CSF1R: variants seen among roughly 807,000 people sequenced by gnomAD.
The protein encoded by CSF1R is macrophage colony-stimulating factor 1 receptor.
In CSF1R, 40 loss-of-function variants were observed where a neutral mutation model predicts 110.0. That is an observed-to-expected ratio of 0.36 (90% CI 0.28 to 0.47). The LOEUF (loss-of-function observed/expected upper bound fraction) is 0.47, where lower values mean the gene tolerates loss of function less well. Among genes scored for constraint, CSF1R ranks in the 20% least tolerant of loss-of-function variants. CSF1R has a pLI of 0.99. For synonymous variants in CSF1R, 523 were observed against 503.4 expected (o/e 1.04, Z -0.52); for missense variants, 1,052 against 1,253.0 (o/e 0.84, Z 2.42).
intron 9 of CSF1R, among the ~76,000 whole-genome samples, chr5:150,069,269 T>G (rs1301981634): frequency 1.3e-5 from 2 of 152,200 alleles, no homozygotes; most frequent in Non-Finnish European, 2.9e-5. Context: ...CTGAGGATGC[T>G]GTGGGCCTCT....
At position 150,054,691 on chromosome 5, in the gene CSF1R, A is replaced by G. The variant is rs191383145; in HGVS notation, c.2655-261T>C. On this transcript the variant is annotated intron_variant, in intron 19 of 20. Transcript: ENST00000675795. ...AGGGTAACTGTAATAACGATCTCTT[A>G]AAAGTCTGTTTAGGGACAGGTGCAG... The G allele has an allele frequency of 7.7e-5, 34 of 438,778 alleles. No individual in the cohort carries two copies. The Admixed American group carries it at 1.0e-3, about 13-fold the overall frequency. 27.2% of individuals were successfully genotyped at this position (438,778 alleles called of 1,614,324 possible).
intron 1 of CSF1R, among the ~76,000 whole-genome samples, chr5:150,100,326 C>G (rs1487825084): frequency 9.9e-6 from 1 of 100,546 alleles, no homozygotes; most frequent in Non-Finnish European, 1.8e-5. Flanking sequence ...GAGACGGAGT[C>G]TTGCTCTGTC....
At chr5:150,092,681 T>C (rs1202282252) in intron 1 of CSF1R, among the ~76,000 whole-genome samples, 1 of 152,170 alleles carries the variant, frequency 6.6e-6, no homozygotes, top group Non-Finnish European at 1.5e-5. Flanking sequence ...ACTTAATCAC[T>C]ACCACGAGAA....
chr5:150,070,146 G>A, intron 8 of CSF1R, 36 bp downstream of exon 8: 4 of 1,610,456 alleles, frequency 2.5e-6, no homozygotes, highest in African/African-American at 1.3e-5. Flanking sequence ...CCCAGCCCCT[G>A]AGCCCAGGTG....
intron 14 of CSF1R, chr5:150,058,224 G>A (rs994477377): frequency 5.3e-5 from 24 of 456,136 alleles, no homozygotes; most frequent in Non-Finnish European, 9.3e-5. Context: ...AGCAGGCCTG[G>A]GTGGATGGGC....
intron 1 of CSF1R, among the ~76,000 whole-genome samples, chr5:150,109,174 C>A (rs77084274): frequency 5.9e-5 from 9 of 151,924 alleles, no homozygotes; most frequent in African/African-American, 1.9e-4. Flanking sequence ...ACCTAGACAC[C>A]CCCGGGGAAG....
chr5:150,105,365 T>A (rs1241333230), intron 1 of CSF1R, among the ~76,000 whole-genome samples: 2,311 of 85,704 alleles, frequency 0.027, 38 homozygotes, highest in African/African-American at 0.089. Flanking sequence ...AAAAAAAAAA[T>A]ATATATATAT....
chr5:150,075,632 A>G lies in CSF1R; in HGVS notation c.889+1644T>C. Among the ~76,000 whole-genome samples, 2 of 152,096 alleles carry G rather than the reference A, an allele frequency of 1.3e-5. 1 individual carries two copies. The highest frequency in any genetic ancestry group is 1.3e-4 in the Admixed American group (2 of 15,264). ...GTTTTTTTAATAATTTACTTGGCTC[A>G]TTGCTTGCCCACTCCCAGCTAGAGC... On this transcript the variant is annotated intron_variant, in intron 5 of 20. Transcript: ENST00000675795.
At chr5:150,059,103 G>A (rs1400516815) in intron 14 of CSF1R, among the ~76,000 whole-genome samples, 1 of 152,142 alleles carries the variant, frequency 6.6e-6, no homozygotes, top group Non-Finnish European at 1.5e-5. Context: ...GGAGTGCAAT[G>A]GTGTGATCTC....
rs188215286 is a variant in CSF1R, at chr5:150,092,354, C to A, written c.-180-5747G>T. On this transcript the variant is annotated intron_variant, in intron 1 of 21. Coordinates refer to the CSF1R transcript ENST00000286301. Reference sequence around the variant, plus strand: ...TTCACTTTCACATATGCATTTACAGCAATCTCCACAGGGGATACATTCCAG... The same window carrying A: ...TTCACTTTCACATATGCATTTACAGAAATCTCCACAGGGGATACATTCCAG... Among the ~76,000 whole-genome samples, 1,017 of 152,328 alleles carry A rather than the reference C, an allele frequency of 6.7e-3. 2 individuals carry two copies. The highest frequency in any genetic ancestry group is 0.011 in the Non-Finnish European group (750 of 68,028).
At chr5:150,055,473 T>G (rs1168612955) in intron 18 of CSF1R, 137 bp from the exon 19 acceptor site, 1 of 720,748 alleles carries the variant, frequency 1.4e-6, no homozygotes, top group Admixed American at 2.2e-5. Flanking sequence ...ACCCGGTGCT[T>G]CCTGTGTGCC....
At chr5:150,091,745 G>A (rs1353261943) in intron 1 of CSF1R, among the ~76,000 whole-genome samples, 1 of 148,262 alleles carries the variant, frequency 6.7e-6, no homozygotes, top group Non-Finnish European at 1.5e-5. Context: ...AATGGTTAAT[G>A]TTTAATTTTA....
intron 19 of CSF1R, 108 bp downstream of exon 19, chr5:150,055,129 G>T: frequency 1.1e-6 from 1 of 948,680 alleles, no homozygotes. Flanking sequence ...GATAAAGTCT[G>T]ACCCTGGAAC....
intron 1 of CSF1R, among the ~76,000 whole-genome samples, chr5:150,084,231 G>A (rs1402092824): frequency 6.6e-6 from 1 of 151,666 alleles, no homozygotes; most frequent in Non-Finnish European, 1.5e-5. Flanking sequence ...CAGCTACTCA[G>A]GAGTGGCAGA....
At position 150,059,876 on chromosome 5, in the gene CSF1R, G is replaced by A; in HGVS notation, c.1970-14C>T. The A allele has an allele frequency of 6.3e-7, 1 of 1,597,740 alleles. No homozygotes were observed. Among genetic ancestry groups the A allele is most frequent in the Non-Finnish European group, 8.6e-7 (1 of 1,167,316 alleles). On this transcript the variant is annotated splice_polypyrimidine_tract_variant and intron_variant, in intron 13 of 20. Transcript: ENST00000675795. ...CCAGTACAGGGCCTAGAGCAGCCAAGGGTGTGGGGTGAGGGAGGTGCTGAG... is the reference window on the plus strand; with the variant it reads ...CCAGTACAGGGCCTAGAGCAGCCAAAGGTGTGGGGTGAGGGAGGTGCTGAG...
chr5:150,077,977 A>C (rs1581318576), intron 4 of CSF1R, 135 bp downstream of exon 4: 1 of 1,142,472 alleles, frequency 8.8e-7, no homozygotes, highest in Non-Finnish European at 1.3e-6. Context: ...GTGAGTCTGC[A>C]CCCCTCTCTG....
rs552539302 is a variant in CSF1R at position 150,061,998 on chromosome 5, C to T, written c.1627-149G>A. 25 of 1,063,780 alleles carry T rather than the reference C, an allele frequency of 2.4e-5. 2 individuals carry two copies. The East Asian group carries it at 3.4e-4, about 14-fold the overall frequency. The allele number at this position is 1,063,780 out of a possible 1,614,324, so 65.9% of individuals were successfully genotyped here. A position where few individuals can be genotyped will look rare whatever the true frequency, so the allele number is the denominator to read the frequency against. ...AGGCCTGCTCTGGGCTGAGAGAGGT[C>T]GTCTCATGAACATAGCACTGAGAGC... On this transcript the variant is annotated intron_variant, in intron 10 of 20. Transcript: ENST00000675795.
chr5:150,082,933 G>T (rs1311651080), intron 1 of CSF1R, among the ~76,000 whole-genome samples: 2 of 152,144 alleles, frequency 1.3e-5, no homozygotes, highest in Non-Finnish European at 2.9e-5. Context: ...TTTTACACCT[G>T]CCTCACACCT....
At chr5:150,061,661 C>T (rs766706416) in intron 11 of CSF1R, 62 bp downstream of exon 11, 4 of 1,614,134 alleles carry the variant, frequency 2.5e-6, no homozygotes, top group East Asian at 2.2e-5. Flanking sequence ...GGCCCATGGG[C>T]TCCCTGCAAC....
Sources: gnomAD v4.1 joint callset for allele counts (sites outside exome capture counted in the v4.1 genomes callset) on GRCh38, gnomAD v4.1.1 for gene constraint, MANE v1.5 for transcripts, NCBI Gene and HGNC (gene_info 2026-07-23, HGNC 2026-07-21) for gene names.